The following C6 variants were observed in gnomAD, a reference collection of about 807,000 sequenced individuals.
C6 encodes the protein complement component C6.
C6 carries 101 observed loss-of-function variants against 112.9 expected under a neutral mutation model. The ratio of observed to expected loss-of-function variants is 0.89; its 90% CI spans 0.76 to 1.06. C6 has a LOEUF of 1.06. C6 is among the 50% of genes least tolerant of loss of function. C6 has a pLI of 0.00. For missense variants in C6, 1,202 were observed against 1,104.6 expected (o/e 1.09, Z -1.25); for synonymous variants, 431 against 384.1 (o/e 1.12, Z -1.43).
intron 1 of C6, among the ~76,000 whole-genome samples, chr5:41,204,576 G>A (rs1047343325): frequency 6.6e-6 from 1 of 151,588 alleles, no homozygotes; most frequent in Non-Finnish European, 1.5e-5. Context: ...CTTGGTTTAA[G>A]TCAAGAGCTT....
intron 1 of C6, among the ~76,000 whole-genome samples, chr5:41,207,315 T>C (rs775925874): frequency 5.3e-5 from 8 of 152,164 alleles, no homozygotes; most frequent in Non-Finnish European, 1.2e-4. Context: ...AGAAACTGCA[T>C]TAACTAATGG....
upstream of C6, among the ~76,000 whole-genome samples, chr5:41,215,168 A>T (rs1333571583): frequency 1.3e-5 from 2 of 152,160 alleles, no homozygotes; most frequent in Admixed American, 6.6e-5. Flanking sequence ...GAATAAAGTC[A>T]CACAATTGGC....
intron 4 of C6, 123 bp from the exon 5 acceptor site, chr5:41,196,056 G>C: frequency 1.7e-6 from 2 of 1,171,020 alleles, no homozygotes; most frequent in Non-Finnish European, 2.5e-6. Context: ...CACTGTTTTT[G>C]ATAGAGTTTT....
In C6 at chr5:41,203,195, C is replaced by G; in HGVS notation, c.36G>C (p.Leu12=). The G allele has an allele frequency of 6.2e-7, 1 of 1,614,104 alleles. No individual in the cohort carries two copies. Among genetic ancestry groups the G allele is most frequent in the Non-Finnish European group, 8.5e-7 (1 of 1,179,962 alleles). ...CTTGGCCCTTGTTGATCAGAGCATT[C>G]AGCAGGATGAAGTACAAGACAGAGC... ...ARRSVLYFIL[L]NALINKGQAC... Residue 12 remains leucine, a synonymous_variant, in exon 2 of 18, where the codon CTG becomes CTC. Coordinates refer to ENST00000337836, the MANE Select transcript of C6 (RefSeq NM_000065.5).
At chr5:41,189,525 A>G (rs1439820952) in intron 5 of C6, among the ~76,000 whole-genome samples, 1 of 152,086 alleles carries the variant, frequency 6.6e-6, no homozygotes, top group Non-Finnish European at 1.5e-5. Flanking sequence ...ATAATTGTAC[A>G]TATTTATGGG....
At chr5:41,223,436 C>T (rs1038890570) in intron 1 of C6, among the ~76,000 whole-genome samples, 1 of 152,150 alleles carries the variant, frequency 6.6e-6, no homozygotes, top group East Asian at 1.9e-4. Context: ...CCCAGGGTAC[C>T]AAGCAAAACT....
At chr5:41,193,645 G>A (rs1750388242) in intron 5 of C6, among the ~76,000 whole-genome samples, 1 of 151,956 alleles carries the variant, frequency 6.6e-6, no homozygotes, top group Non-Finnish European at 1.5e-5. Context: ...CTAAGCCTGG[G>A]TAAAAACAAA....
Position 41,142,959 on chromosome 5 carries a change from C to G in C6, c.2671G>C (p.Gly891Arg), listed in dbSNP as rs377130163. The G allele has an allele frequency of 6.2e-7, 1 of 1,613,372 alleles. No individual in the cohort carries two copies. The highest frequency in any genetic ancestry group is 1.3e-5 in the African/African-American group (1 of 74,818). ...TTGACACAGTAGAGTTGGTTTCCAC[C>G]CTTGAAGCACTGTGGGGGCAATAGG... Reference protein sequence around the residue: ...VCLLPPQCFKGGNQLYCVKMG... With the variant: ...VCLLPPQCFKRGNQLYCVKMG... The change falls in exon 18 of 18, where the codon GGT becomes CGT. Residue 891 changes from glycine to arginine, a missense_variant. By Grantham distance (125) the Gly-to-Arg change is moderately radical (BLOSUM62 -2). Coordinates refer to ENST00000337836, the MANE Select transcript of C6 (RefSeq NM_000065.5).
chr5:41,169,222 C>T (rs1004880761), intron 9 of C6, among the ~76,000 whole-genome samples: 1 of 152,060 alleles, frequency 6.6e-6, no homozygotes, highest in Non-Finnish European at 1.5e-5. Context: ...TAACAAAGGT[C>T]TCATTCTCCC....
At chr5:41,176,360 A>G in intron 8 of C6, 115 bp downstream of exon 8, 1 of 1,070,608 alleles carries the variant, frequency 9.3e-7, no homozygotes, top group Non-Finnish European at 1.4e-6. Flanking sequence ...TCATTTTGGA[A>G]ATAAAGCAGG....
At chr5:41,238,325 A>T (rs952707337) in intron 1 of C6, among the ~76,000 whole-genome samples, 31 of 150,176 alleles carry the variant, frequency 2.1e-4, no homozygotes, top group Non-Finnish European at 4.0e-4. Context: ...CTGACTTCAA[A>T]CTATACTACA....
At chr5:41,261,180 A>T (rs1036748494) in intron 1 of C6, 2 of 985,552 alleles carry the variant, frequency 2.0e-6, no homozygotes, top group African/African-American at 3.5e-5. Context: ...AGAAGAAAAA[A>T]GTAGAAAACT....
intron 17 of C6, among the ~76,000 whole-genome samples, chr5:41,145,490 G>A (rs1413937504): frequency 6.6e-6 from 1 of 152,176 alleles, no homozygotes; most frequent in Non-Finnish European, 1.5e-5. Context: ...AATAATTCAT[G>A]TTGCCAAAAT....
At chr5:41,182,288 C>T (rs1749419630) in intron 6 of C6, among the ~76,000 whole-genome samples, 2 of 144,410 alleles carry the variant, frequency 1.4e-5, no homozygotes, top group Non-Finnish European at 3.0e-5. Context: ...TGCAATTCAT[C>T]ATCACACCAG....
chr5:41,149,267 G>T lies in C6; in HGVS notation c.2597C>A (p.Thr866Asn). ...STKKESCGYDTCYDWEKCSAS... is the reference protein window; with the variant it reads ...STKKESCGYDNCYDWEKCSAS... Reference sequence around the variant, plus strand: ...TGAACATTTTTCCCAGTCATAGCAGGTGTCATAGCCACAGGATTCTTTCTT... The same window carrying T: ...TGAACATTTTTCCCAGTCATAGCAGTTGTCATAGCCACAGGATTCTTTCTT... The change falls in exon 17 of 18, where the codon ACC becomes AAC. Residue 866 changes from threonine to asparagine, a missense_variant. By Grantham distance (65) the Thr-to-Asn change is moderately conservative. Transcript: ENST00000337836. The T allele has an allele frequency of 6.2e-7, 1 of 1,614,032 alleles. No individual in the cohort carries two copies. The highest frequency in any genetic ancestry group is 8.5e-7 in the Non-Finnish European group (1 of 1,179,968).
intron 1 of C6, among the ~76,000 whole-genome samples, chr5:41,219,975 G>A (rs1210579129): frequency 6.6e-6 from 1 of 151,986 alleles, no homozygotes; most frequent in Non-Finnish European, 1.5e-5. Flanking sequence ...AAGTAAAGAG[G>A]GAAATGAAAG....
intron 5 of C6, among the ~76,000 whole-genome samples, chr5:41,191,129 C>T (rs980010438): frequency 2.9e-4 from 37 of 129,258 alleles, no homozygotes; most frequent in East Asian, 8.8e-4. Context: ...TGCAGTGGCA[C>T]GACCTCTGCT....
chr5:41,225,994 A>G lies in C6; in HGVS notation c.-20-22744T>C, dbSNP rs186443272. Reference sequence around the variant, plus strand: ...TTAAATGTTAGACCTAAAACCATAAAAACCCTAGAAGAAAACCTAGGTGAT... The same window carrying G: ...TTAAATGTTAGACCTAAAACCATAAGAACCCTAGAAGAAAACCTAGGTGAT... On this transcript the variant is annotated intron_variant, in intron 1 of 17. Transcript: ENST00000263413. Among the ~76,000 whole-genome samples the G allele has an allele frequency of 2.7e-4, 41 of 152,330 alleles. 1 individual carries two copies. In the East Asian group the frequency reaches 7.7e-3, roughly 29 times the overall value.
intron 5 of C6, among the ~76,000 whole-genome samples, chr5:41,189,337 C>T (rs899326212): frequency 6.6e-6 from 1 of 151,978 alleles, no homozygotes; most frequent in Admixed American, 6.6e-5. Flanking sequence ...ATGTTCATAG[C>T]AGCATTACTC....
Sources: gnomAD v4.1 joint callset for allele counts (sites outside exome capture counted in the v4.1 genomes callset) on GRCh38, gnomAD v4.1.1 for gene constraint, MANE v1.5 for transcripts, NCBI Gene and HGNC (gene_info 2026-07-23, HGNC 2026-07-21) for gene names.